The following TMEFF2 variants were observed in gnomAD, a reference collection of about 807,000 sequenced individuals.
The protein encoded by TMEFF2 is tomoregulin-2.
TMEFF2 carries 28 observed loss-of-function variants against 53.8 expected under a neutral mutation model. That is an observed-to-expected ratio of 0.52 (90% CI 0.39 to 0.71). TMEFF2 has a LOEUF of 0.71. TMEFF2 is among the 30% of genes least tolerant of loss of function. The pLI is 0.00. For missense variants in TMEFF2, 353 were observed against 455.2 expected (o/e 0.78, Z 2.04); for synonymous variants, 162 against 166.3 (o/e 0.97, Z 0.20).
chr2:192,075,288 T>TATATATATATATATAAATATATATATAA (rs1574349780), intron 4 of TMEFF2, among the ~76,000 whole-genome samples: 6 of 5,640 alleles, frequency 1.1e-3, no homozygotes, highest in East Asian at 8.6e-3. Context: ...AGTACTATTA[T>TATATATATATATATAAATATATATATAA]ATATATATAT....
At chr2:191,978,727 C>A (rs1449449351) in intron 7 of TMEFF2, among the ~76,000 whole-genome samples, 1 of 152,146 alleles carries the variant, frequency 6.6e-6, no homozygotes, top group Non-Finnish European at 1.5e-5. Flanking sequence ...GGTGCAGGCA[C>A]CCCTGGTAGA....
At chr2:192,027,455 A>G (rs1686998883) in intron 5 of TMEFF2, among the ~76,000 whole-genome samples, 1 of 152,206 alleles carries the variant, frequency 6.6e-6, no homozygotes, top group Non-Finnish European at 1.5e-5. Context: ...ACAAAATAAT[A>G]TGTACATGAG....
At chr2:192,072,747 T>C (rs1382838822) in intron 4 of TMEFF2, among the ~76,000 whole-genome samples, 1 of 151,964 alleles carries the variant, frequency 6.6e-6, no homozygotes, top group Non-Finnish European at 1.5e-5. Flanking sequence ...TACGGGATTA[T>C]ATGGATGTAC....
intron 5 of TMEFF2, among the ~76,000 whole-genome samples, chr2:192,022,171 A>G (rs1686873201): frequency 6.6e-6 from 1 of 152,186 alleles, no homozygotes; most frequent in Non-Finnish European, 1.5e-5. Context: ...GGTGTGGGGC[A>G]GCAGGGAGGC....
intron 2 of TMEFF2, among the ~76,000 whole-genome samples, chr2:192,186,339 C>CCT (rs1559163182): frequency 6.6e-6 from 1 of 151,968 alleles, no homozygotes; most frequent in South Asian, 2.1e-4. Context: ...AGCAAAATGC[C>CCT]TGTAAGATTT....
At position 191,950,380 on chromosome 2, in the gene TMEFF2, G is replaced by T. The variant is rs1276659375; in HGVS notation, c.1056C>A (p.His352Gln). Residue 352 changes from histidine to glutamine, a missense_variant, in exon 10 of 10, where the codon CAC becomes CAA. Transcript: ENST00000272771. ...AGTGCCCTGTATTTTGCTTCTGTCTGTGAATTCTGTTGCTTCTGGGGCATT... is the reference window on the plus strand; with the variant it reads ...AGTGCCCTGTATTTTGCTTCTGTCTTTGAATTCTGTTGCTTCTGGGGCATT... ...TRKCPRSNRIHRQKQNTGHYS... is the reference protein window; with the variant it reads ...TRKCPRSNRIQRQKQNTGHYS... 3 of 1,613,904 alleles carry T rather than the reference G, an allele frequency of 1.9e-6. No homozygotes were observed. Among genetic ancestry groups the T allele is most frequent in the Non-Finnish European group, 2.5e-6 (3 of 1,179,936 alleles).
intron 2 of TMEFF2, among the ~76,000 whole-genome samples, chr2:192,185,195 A>G (rs917939531): frequency 6.6e-6 from 1 of 152,074 alleles, no homozygotes; most frequent in Non-Finnish European, 1.5e-5. Context: ...AGAAAAGTTC[A>G]TTTTTAAAAA....
At chr2:192,112,507 A>T (rs1689305652) in intron 4 of TMEFF2, among the ~76,000 whole-genome samples, 1 of 152,092 alleles carries the variant, frequency 6.6e-6, no homozygotes, top group Admixed American at 6.6e-5. Flanking sequence ...CTTGCTTTTG[A>T]TTTTACAGGC....
At chr2:192,005,252 C>A (rs1038545054) in intron 5 of TMEFF2, among the ~76,000 whole-genome samples, 2 of 152,194 alleles carry the variant, frequency 1.3e-5, no homozygotes, top group Non-Finnish European at 2.9e-5. Context: ...AACTCACATA[C>A]ATTTGTAACT....
intron 5 of TMEFF2, among the ~76,000 whole-genome samples, chr2:192,003,872 A>G (rs571200723): frequency 1.1e-4 from 16 of 145,534 alleles, no homozygotes; most frequent in African/African-American, 4.1e-4. Flanking sequence ...GTTTACATTC[A>G]TGGGGTAGAG....
intron 5 of TMEFF2, among the ~76,000 whole-genome samples, chr2:192,048,073 G>GA (rs1687666712): frequency 6.6e-6 from 1 of 151,966 alleles, no homozygotes; most frequent in Admixed American, 6.6e-5. Context: ...AGTTAAACAA[G>GA]AAAAATGTTT....
intron 4 of TMEFF2, chr2:192,177,508 A>G (rs950604378): frequency 6.6e-6 from 1 of 151,130 alleles, no homozygotes; most frequent in Non-Finnish European, 1.5e-5. Context: ...AATTTTAAAA[A>G]TTGTATGCAA....
chr2:192,128,582 T>A lies in TMEFF2; in HGVS notation c.439+51086A>T, dbSNP rs139950025. Among the ~76,000 whole-genome samples the A allele has an allele frequency of 7.0e-4, 106 of 152,280 alleles. 1 individual carries two copies. Among genetic ancestry groups the A allele is most frequent in the African/African-American group, 2.5e-3 (103 of 41,566 alleles). The stretch of plus-strand genomic sequence containing the variant: ...GCAAGAAAAGAGTAGACAAACAGTA[T>A]CTATTTTAATTCTTGTGCAACTCAC... On this transcript the variant is annotated intron_variant, in intron 4 of 9. Transcript: ENST00000272771.
intron 7 of TMEFF2, among the ~76,000 whole-genome samples, chr2:191,959,797 C>T (rs1692218997): frequency 6.6e-6 from 1 of 152,122 alleles, no homozygotes; most frequent in Non-Finnish European, 1.5e-5. Flanking sequence ...AGAATGTTTT[C>T]CTTTGGACAA....
At chr2:192,093,822 TAAAAA>T (rs5837284) in intron 4 of TMEFF2, among the ~76,000 whole-genome samples, 1 of 146,424 alleles carries the variant, frequency 6.8e-6, no homozygotes, top group Admixed American at 6.8e-5. Context: ...ATATATTTCT[TAAAAA>T]AAAAAGAAAA....
intron 5 of TMEFF2, among the ~76,000 whole-genome samples, chr2:192,018,962 ATAT>A (rs1686801788): frequency 6.6e-6 from 1 of 152,020 alleles, no homozygotes; most frequent in East Asian, 1.9e-4. Context: ...TTATTATACA[ATAT>A]TATTATTCTC....
intron 5 of TMEFF2, among the ~76,000 whole-genome samples, chr2:192,011,734 ATTTG>A (rs991067215): frequency 2.0e-5 from 3 of 152,098 alleles, no homozygotes; most frequent in African/African-American, 4.8e-5. Context: ...AATTACTGTA[ATTTG>A]TTTGGTCAAT....
intron 4 of TMEFF2, among the ~76,000 whole-genome samples, chr2:192,095,424 G>A (rs1363186905): frequency 6.6e-6 from 1 of 152,018 alleles, no homozygotes; most frequent in Non-Finnish European, 1.5e-5. Context: ...CCATGAATTC[G>A]AGACCAGCCT....
rs578090809 is a variant in TMEFF2 at position 192,161,062 on chromosome 2, C to T, written c.439+18606G>A. 5.3e-5 allele frequency among the ~76,000 whole-genome samples: 8 copies of T among 152,176 alleles called. No individual in the cohort carries two copies. In the East Asian group the frequency reaches 1.6e-3, roughly 30 times the overall value. ...CCCTAAGGAAGTGGGGACACTTTAC[C>T]GTCTCCCAGTCTCATCTTCCCATGT... On this transcript the variant is annotated intron_variant, in intron 4 of 9. Transcript: ENST00000272771.
Sources: gnomAD v4.1 joint callset for allele counts (sites outside exome capture counted in the v4.1 genomes callset) on GRCh38, gnomAD v4.1.1 for gene constraint, MANE v1.5 for transcripts, NCBI Gene and HGNC (gene_info 2026-07-23, HGNC 2026-07-21) for gene names.